Variants in COL24A1 observed in about 807,000 individuals in gnomAD.
COL24A1 encodes collagen alpha-1(XXIV) chain.
A neutral mutation model predicts 253.9 loss-of-function variants in COL24A1; 224 were observed. The observed-to-expected ratio is 0.88, with a 90% confidence interval of 0.79 to 0.99. The LOEUF (loss-of-function observed/expected upper bound fraction) is 0.99, where lower values mean the gene tolerates loss of function less well. COL24A1 is among the 50% of genes least tolerant of loss of function. The probability of loss-of-function intolerance (pLI) is 0.00; values close to 1 mark genes in which losing one functional copy is unlikely to be tolerated. For synonymous variants in COL24A1, 685 were observed against 673.7 expected, an observed-to-expected ratio of 1.02 and a Z score of -0.26; for missense variants, 2,131 against 2,068.5, an observed-to-expected ratio of 1.03 and a Z score of -0.59.
intron 24 of COL24A1, among the ~76,000 whole-genome samples, chr1:85,927,214 G>T (rs1228976235): frequency 2.0e-5 from 3 of 151,094 alleles, no homozygotes; most frequent in African/African-American, 7.4e-5. Flanking sequence ...GCGGAGGCCA[G>T]TGTGTGTGCG....
chr1:85,967,913 C>G (rs149638184), intron 22 of COL24A1, among the ~76,000 whole-genome samples: 3 of 152,192 alleles, frequency 2.0e-5, no homozygotes, highest in East Asian at 1.9e-4. Context: ...AGAGTGTTGC[C>G]AAAAGAGATT....
intron 24 of COL24A1, among the ~76,000 whole-genome samples, chr1:85,924,388 T>C (rs181490655): frequency 1.3e-5 from 2 of 152,192 alleles, no homozygotes; most frequent in African/African-American, 2.4e-5. Context: ...TTTAGACCAA[T>C]ATCCCTGATG....
intron 5 of COL24A1, among the ~76,000 whole-genome samples, chr1:86,106,498 C>T (rs1391144453): frequency 2.0e-5 from 3 of 152,020 alleles, no homozygotes; most frequent in Non-Finnish European, 4.4e-5. Context: ...CTATCTTGAC[C>T]ACAGATTGCC....
intron 8 of COL24A1, among the ~76,000 whole-genome samples, chr1:86,059,487 T>G (rs1309110684): frequency 6.6e-6 from 1 of 152,088 alleles, no homozygotes; most frequent in Non-Finnish European, 1.5e-5. Flanking sequence ...CCAGTAACTT[T>G]TTTACCAGTA....
At chr1:86,136,772 C>T (rs951792162) in intron 2 of COL24A1, among the ~76,000 whole-genome samples, 3 of 152,076 alleles carry the variant, frequency 2.0e-5, no homozygotes, top group African/African-American at 7.2e-5. Context: ...GGCAGTATTA[C>T]TTTTACCCCA....
chr1:85,860,985 T>C (rs1167478246), intron 37 of COL24A1, among the ~76,000 whole-genome samples: 1 of 152,236 alleles, frequency 6.6e-6, no homozygotes, highest in Non-Finnish European at 1.5e-5. Context: ...TACAAGCTTT[T>C]GTTTAAATGC....
At chr1:86,094,862 G>T (rs1703789102) in intron 5 of COL24A1, among the ~76,000 whole-genome samples, 1 of 151,862 alleles carries the variant, frequency 6.6e-6, no homozygotes. Flanking sequence ...AACATATTTT[G>T]TAGATAAAAG....
chr1:85,741,680 C>A (rs1664659620), intron 57 of COL24A1, among the ~76,000 whole-genome samples: 2 of 152,144 alleles, frequency 1.3e-5, no homozygotes, highest in Admixed American at 1.3e-4. Flanking sequence ...CTGCTGTCTC[C>A]TTTAAAGTCT....
At chr1:86,141,280 A>T (rs72716189) in intron 2 of COL24A1, among the ~76,000 whole-genome samples, 1,974 of 152,314 alleles carry the variant, frequency 0.013, 78 homozygotes, top group Admixed American at 0.075. Context: ...TTCAGCATTG[A>T]GGCTTCAAAT....
Position 85,849,422 on chromosome 1 carries a change from T to A in COL24A1, c.3301-16A>T. The A allele has an allele frequency of 6.3e-7, 1 of 1,592,984 alleles. No individual in the cohort carries two copies. The highest frequency in any genetic ancestry group is 8.6e-7 in the Non-Finnish European group (1 of 1,163,006). On this transcript the variant is annotated splice_polypyrimidine_tract_variant and intron_variant, in intron 37 of 59. Coordinates refer to ENST00000370571, the MANE Select transcript of COL24A1 (RefSeq NM_152890.7). ...CTTCAGGTCCCTAAAATATTCAATA[T>A]AAAAAAGGAAATAAATGGTTAAAGA... is the stretch of plus-strand genomic sequence containing the variant.
In COL24A1 at chr1:85,896,411, T is replaced by C; in HGVS notation, c.2779-2A>G. On this transcript the variant is annotated splice_acceptor_variant, in intron 28 of 59. Coordinates refer to ENST00000370571, the MANE Select transcript of COL24A1 (RefSeq NM_152890.7). LOFTEE classifies it high-confidence loss of function. Reference sequence around the variant, plus strand: ...GAGACCATCTGGTCCTCTTGATCCCTAGAGGTGAAAAAAATATCCTGTTGT... The same window carrying C: ...GAGACCATCTGGTCCTCTTGATCCCCAGAGGTGAAAAAAATATCCTGTTGT... 1.2e-6 allele frequency: 2 copies of C among 1,610,726 alleles called. No individual in the cohort carries two copies. Among genetic ancestry groups the C allele is most frequent in the Non-Finnish European group, 1.7e-6 (2 of 1,177,126 alleles).
At chr1:85,849,329 G>A in intron 38 of COL24A1, 24 bp downstream of exon 38, 1 of 1,605,526 alleles carries the variant, frequency 6.2e-7, no homozygotes, top group Non-Finnish European at 8.5e-7. Context: ...AAGAAAACCT[G>A]CATAAGAAGA....
intron 55 of COL24A1, 89 bp from the exon 56 acceptor site, chr1:85,745,595 T>C (rs1665129064): frequency 2.2e-6 from 2 of 904,744 alleles, no homozygotes; most frequent in Admixed American, 4.7e-5. Flanking sequence ...AGCACTGCTG[T>C]TAAAGTATAC....
At chr1:85,757,140 T>C (rs939124258) in intron 55 of COL24A1, among the ~76,000 whole-genome samples, 3 of 152,214 alleles carry the variant, frequency 2.0e-5, no homozygotes, top group Non-Finnish European at 2.9e-5. Context: ...TAGTAATGGT[T>C]GCACAGCAAT....
At chr1:85,738,161 A>G (rs144728560) in intron 57 of COL24A1, among the ~76,000 whole-genome samples, 4 of 152,330 alleles carry the variant, frequency 2.6e-5, no homozygotes, top group African/African-American at 9.6e-5. Context: ...ATAGTTAACA[A>G]AAAAGTTGAA....
intron 47 of COL24A1, among the ~76,000 whole-genome samples, chr1:85,790,411 AT>A (rs201329016): frequency 0.011 from 1,687 of 150,148 alleles, 29 homozygotes; most frequent in African/African-American, 0.04. Flanking sequence ...CTCCTTTATC[AT>A]TTTTTATTGT....
At chr1:86,040,738 T>C (rs558947012) in intron 12 of COL24A1, among the ~76,000 whole-genome samples, 1 of 152,152 alleles carries the variant, frequency 6.6e-6, no homozygotes, top group South Asian at 2.1e-4. Context: ...CTATGCCCAG[T>C]AAAGTAGAAT....
chr1:86,102,187 A>C (rs1704524886), intron 5 of COL24A1, among the ~76,000 whole-genome samples: 1 of 152,058 alleles, frequency 6.6e-6, no homozygotes, highest in African/African-American at 2.4e-5. Flanking sequence ...AAGTGTTTAT[A>C]ATATTCTCTG....
chr1:85,905,953 A>T (rs985247016), intron 28 of COL24A1, among the ~76,000 whole-genome samples: 1 of 152,064 alleles, frequency 6.6e-6, no homozygotes, highest in Non-Finnish European at 1.5e-5. Flanking sequence ...AACACATTTG[A>T]CCTAACTAAA....
Sources: gnomAD v4.1 joint callset for allele counts (sites outside exome capture counted in the v4.1 genomes callset) on GRCh38, gnomAD v4.1.1 for gene constraint, MANE v1.5 for transcripts, NCBI Gene and HGNC (gene_info 2026-07-23, HGNC 2026-07-21) for gene names.